UGCG: variants seen among roughly 807,000 people sequenced by gnomAD.
UGCG encodes the protein ceramide glucosyltransferase.
A neutral mutation model predicts 49.5 loss-of-function variants in UGCG; 10 were observed. The observed-to-expected ratio is 0.20, with a 90% CI of 0.12 to 0.34. The LOEUF (loss-of-function observed/expected upper bound fraction) is 0.34. UGCG is among the 10% of genes least tolerant of loss of function. UGCG has a pLI of 1.00. For synonymous variants in UGCG, 182 were observed against 158.2 expected (o/e 1.15, Z -1.13); for missense variants, 312 against 483.7 (o/e 0.65, Z 3.33).
At chr9:111,904,039 C>T (rs917457409) in intron 1 of UGCG, among the ~76,000 whole-genome samples, 18 of 151,736 alleles carry the variant, frequency 1.2e-4, no homozygotes, top group African/African-American at 3.4e-4. Context: ...TTCAAAACTC[C>T]ATAGGTGACA....
chr9:111,925,267 A>C (rs985812058), intron 4 of UGCG, among the ~76,000 whole-genome samples: 2 of 152,234 alleles, frequency 1.3e-5, no homozygotes, highest in African/African-American at 2.4e-5. Flanking sequence ...TGCATATTTT[A>C]CTAAAACACA....
chr9:111,919,375 C>T (rs749917841), intron 2 of UGCG, among the ~76,000 whole-genome samples: 28 of 152,072 alleles, frequency 1.8e-4, no homozygotes, highest in African/African-American at 4.3e-4. Flanking sequence ...CCCAGCTACT[C>T]GGGAGGCTGA....
At chr9:111,906,353 G>A (rs11792486) in intron 1 of UGCG, among the ~76,000 whole-genome samples, 20,291 of 151,986 alleles carry the variant, frequency 0.13, 1,436 homozygotes, top group South Asian at 0.17. Flanking sequence ...TCAGTTATTG[G>A]CTAAACTCCT....
At chr9:111,919,099 G>A (rs1838170196) in intron 2 of UGCG, among the ~76,000 whole-genome samples, 1 of 152,050 alleles carries the variant, frequency 6.6e-6, no homozygotes, top group Admixed American at 6.6e-5. Context: ...TTCTCTTGCT[G>A]GGGAAAATAA....
At chr9:111,918,961 A>C (rs947861259) in intron 2 of UGCG, among the ~76,000 whole-genome samples, 6 of 151,336 alleles carry the variant, frequency 4.0e-5, no homozygotes, top group Non-Finnish European at 5.9e-5. Context: ...ACAAAAAAAA[A>C]CACTTCAAAC....
In UGCG at chr9:111,933,248, C is replaced by A. The variant is rs1452553633; in HGVS notation, c.*251C>A. ...AGAATTGGTTCTAGGAACCTGGGTT[C>A]GTTCATCATTGTTGTTTATTTTTTT... On this transcript the variant is annotated 3_prime_UTR_variant, in exon 9 of 9. Coordinates refer to ENST00000374279, the MANE Select transcript of UGCG (RefSeq NM_003358.3). 8.4e-6 allele frequency: 2 copies of A among 237,722 alleles called. No homozygotes were observed. The highest frequency in any genetic ancestry group is 1.7e-4 in the East Asian group (2 of 12,068). The allele number at this position is 237,722 out of a possible 1,614,324, so 14.7% of individuals were successfully genotyped here. A position where few individuals can be genotyped will look rare whatever the true frequency, so the allele number is the denominator to read the frequency against.
chr9:111,932,275 G>A lies in UGCG; in HGVS notation c.930G>A (p.Val310=), dbSNP rs560913104. 6.2e-7 allele frequency: 1 copy of A among 1,614,110 alleles called. No homozygotes were observed. The highest frequency in any genetic ancestry group is 1.3e-5 in the African/African-American group (1 of 75,044). ...TTATTGGATGGGCAGCCCACCATGT[G>A]TTCAGATGGGATATTATGGTATTTT... The part of the protein sequence containing the change: ...SLIIGWAAHH[V]FRWDIMVFFM... Residue 310 remains valine (V), a synonymous_variant, in exon 8 of 9, where the codon GTG becomes GTA. Coordinates refer to ENST00000374279, the MANE Select transcript of UGCG (RefSeq NM_003358.3).
chr9:111,919,907 G>A (rs748151119), intron 2 of UGCG, among the ~76,000 whole-genome samples: 5 of 152,044 alleles, frequency 3.3e-5, no homozygotes, highest in East Asian at 1.9e-4. Flanking sequence ...TACTTTTGCC[G>A]TTTGAAAAGT....
chr9:111,915,519 T>C (rs978550446), intron 2 of UGCG, among the ~76,000 whole-genome samples: 1 of 152,232 alleles, frequency 6.6e-6, no homozygotes, highest in African/African-American at 2.4e-5. Flanking sequence ...GAAGAATGTG[T>C]CTTTAAGCTT....
intron 6 of UGCG, among the ~76,000 whole-genome samples, chr9:111,930,840 T>G (rs1371254290): frequency 1.3e-5 from 2 of 152,230 alleles, no homozygotes; most frequent in Non-Finnish European, 2.9e-5. Flanking sequence ...AACTGAAGTG[T>G]GTTTTAAATA....
chr9:111,913,246 A>G (rs1838049016), intron 1 of UGCG, among the ~76,000 whole-genome samples: 2 of 152,228 alleles, frequency 1.3e-5, no homozygotes, highest in South Asian at 2.1e-4. Flanking sequence ...AGATGGACCC[A>G]TGATGTTCTA....
At position 111,918,878 on chromosome 9, in the gene UGCG, T is replaced by A. The variant is rs543267530; in HGVS notation, c.241-3971T>A. Among the ~76,000 whole-genome samples the A allele has an allele frequency of 3.0e-3, 434 of 145,866 alleles. 1 individual carries two copies. The highest frequency in any genetic ancestry group is 9.4e-3 in the African/African-American group (365 of 38,860). ...AGGCGGAGCTTGCAGTGAGCGGAGA[T>A]CGCGCCACAGCACTCCCGCCTGGGC... On this transcript the variant is annotated intron_variant, in intron 2 of 8. Coordinates refer to ENST00000374279, the MANE Select transcript of UGCG (RefSeq NM_003358.3).
intron 5 of UGCG, among the ~76,000 whole-genome samples, chr9:111,928,984 G>A (rs767635702): frequency 9.2e-5 from 14 of 152,028 alleles, no homozygotes; most frequent in Non-Finnish European, 2.1e-4. Context: ...CTAAGGGAGA[G>A]GGAGCAGCTA....
At chr9:111,916,470 G>A (rs958916628) in intron 2 of UGCG, among the ~76,000 whole-genome samples, 2 of 152,064 alleles carry the variant, frequency 1.3e-5, no homozygotes, top group African/African-American at 4.8e-5. Context: ...ATGGTTTTTT[G>A]TGTTCGTTTT....
At chr9:111,920,017 T>C (rs1022450863) in intron 2 of UGCG, among the ~76,000 whole-genome samples, 1 of 152,094 alleles carries the variant, frequency 6.6e-6, no homozygotes, top group African/African-American at 2.4e-5. Flanking sequence ...ACTGACACTT[T>C]CTGTGACTTA....
chr9:111,897,802 A>C (rs1837692503), intron 1 of UGCG, among the ~76,000 whole-genome samples: 2 of 151,494 alleles, frequency 1.3e-5, no homozygotes, highest in South Asian at 4.2e-4. Flanking sequence ...GGTGTGAAGC[A>C]CCTGTCCACC....
chr9:111,900,918 T>C (rs1199088949), intron 1 of UGCG, among the ~76,000 whole-genome samples: 1 of 152,062 alleles, frequency 6.6e-6, no homozygotes, highest in East Asian at 1.9e-4. Context: ...ATGCAGTGGC[T>C]CGATCACGGC....
At chr9:111,910,672 A>T (rs781730523) in intron 1 of UGCG, among the ~76,000 whole-genome samples, 3 of 152,108 alleles carry the variant, frequency 2.0e-5, no homozygotes, top group Non-Finnish European at 4.4e-5. Flanking sequence ...GGTTTTGTTC[A>T]GGTACACAGG....
chr9:111,900,900 A>G (rs961756558), intron 1 of UGCG, among the ~76,000 whole-genome samples: 5 of 151,980 alleles, frequency 3.3e-5, no homozygotes, highest in African/African-American at 1.2e-4. Flanking sequence ...TCTGTTGCCC[A>G]GGCTGGAATG....
Sources: allele counts gnomAD v4.1 joint callset (sites outside exome capture counted in the v4.1 genomes callset), GRCh38; gene constraint gnomAD v4.1.1; transcripts MANE v1.5; gene names NCBI Gene and HGNC (gene_info 2026-07-23, HGNC 2026-07-21).